The following ZNF804B variants were observed in gnomAD, a reference collection of about 807,000 sequenced individuals.
The protein encoded by ZNF804B is zinc finger 804B.
A neutral mutation model predicts 101.4 loss-of-function variants in ZNF804B; 80 were observed. That is an observed-to-expected ratio of 0.79 (90% CI 0.66 to 0.95). ZNF804B has a LOEUF of 0.95. Ranked by LOEUF, ZNF804B falls within the 40% of genes least tolerant of loss-of-function variation. ZNF804B has a pLI of 0.00. For missense variants in ZNF804B, 1,673 were observed against 1,561.9 expected (o/e 1.07, Z -1.20); for synonymous variants, 622 against 558.8 (o/e 1.11, Z -1.59).
chr7:89,141,086 C>T (rs948364160), intron 1 of ZNF804B, among the ~76,000 whole-genome samples: 1 of 151,992 alleles, frequency 6.6e-6, no homozygotes, highest in African/African-American at 2.4e-5. Flanking sequence ...AGATGGGGAA[C>T]AGCCTGTCAG....
intron 1 of ZNF804B, among the ~76,000 whole-genome samples, chr7:89,170,032 TC>T (rs548892870): frequency 1.2e-3 from 177 of 152,336 alleles, no homozygotes; most frequent in Non-Finnish European, 2.0e-3. Flanking sequence ...TTAATACACT[TC>T]AAATATACTT....
rs542433285 is a variant in ZNF804B, at chr7:89,085,922, C to T, written c.109-132233C>T. Among the ~76,000 whole-genome samples, 7 of 151,990 alleles carry T rather than the reference C, an allele frequency of 4.6e-5. 1 individual carries two copies. The East Asian group carries it at 9.7e-4, about 21-fold the overall frequency. On this transcript the variant is annotated intron_variant, in intron 1 of 3. Transcript: ENST00000333190. Reference sequence around the variant, plus strand: ...TAATAGAGTGATATTTAGATTCTTCCGGGATTTTTAAAACACGATTGCTTT... The same window carrying T: ...TAATAGAGTGATATTTAGATTCTTCTGGGATTTTTAAAACACGATTGCTTT...
At chr7:88,856,415 G>A (rs1414884667) in intron 1 of ZNF804B, among the ~76,000 whole-genome samples, 3 of 152,024 alleles carry the variant, frequency 2.0e-5, no homozygotes, top group African/African-American at 2.4e-5. Context: ...TTTGTCTGTT[G>A]TTGGTGTATA....
intron 1 of ZNF804B, among the ~76,000 whole-genome samples, chr7:88,899,835 A>G (rs1268453714): frequency 6.6e-6 from 1 of 152,184 alleles, no homozygotes; most frequent in South Asian, 2.1e-4. Context: ...AGTAATAAAA[A>G]TCTACTTTTA....
intron 1 of ZNF804B, among the ~76,000 whole-genome samples, chr7:88,806,902 T>C (rs935382572): frequency 1.3e-5 from 2 of 152,062 alleles, no homozygotes; most frequent in Non-Finnish European, 2.9e-5. Flanking sequence ...AGGCTAGTTT[T>C]ACATTTTTTA....
intron 1 of ZNF804B, among the ~76,000 whole-genome samples, chr7:88,862,817 C>T (rs1158981068): frequency 6.6e-6 from 1 of 152,102 alleles, no homozygotes; most frequent in African/African-American, 2.4e-5. Flanking sequence ...TCCTGCTTCA[C>T]ACTAATTATA....
At chr7:89,107,132 A>G (rs1254115085) in intron 1 of ZNF804B, among the ~76,000 whole-genome samples, 1 of 152,162 alleles carries the variant, frequency 6.6e-6, no homozygotes, top group Admixed American at 6.6e-5. Context: ...GTAGTTTTAC[A>G]TATTAGTTAA....
chr7:89,137,082 G>A (rs1267418656), intron 1 of ZNF804B, among the ~76,000 whole-genome samples: 1 of 151,854 alleles, frequency 6.6e-6, no homozygotes, highest in African/African-American at 2.4e-5. Context: ...TCTTTCTCAG[G>A]TATGTCTTTA....
Position 89,334,280 on chromosome 7 carries a change from C to T in ZNF804B, c.1298C>T (p.Thr433Ile), listed in dbSNP as rs202091392. ...CAAAGACTTGTAAAAGAAGCATGTA[C>T]CCATAATGTGGCATCTAAACCACTA... is the stretch of plus-strand genomic sequence containing the variant. ...NVQRLVKEACTHNVASKPLPF... is the reference protein window; with the variant it reads ...NVQRLVKEACIHNVASKPLPF... Residue 433 changes from threonine (T) to isoleucine (I), a missense_variant, in exon 4 of 4, where the codon ACC (threonine) becomes ATC (isoleucine). Thr to Ile is a moderately conservative substitution (Grantham distance 89, BLOSUM62 -1). Transcript: ENST00000333190. The T allele has an allele frequency of 3.2e-5, 52 of 1,613,752 alleles. No individual in the cohort carries two copies. The highest frequency in any genetic ancestry group is 6.7e-5 in the Admixed American group (4 of 59,914).
chr7:89,043,680 G>A (rs1789054376), intron 1 of ZNF804B, among the ~76,000 whole-genome samples: 1 of 152,052 alleles, frequency 6.6e-6, no homozygotes, highest in South Asian at 2.1e-4. Flanking sequence ...AATGTACTGT[G>A]GTTTATATTT....
intron 1 of ZNF804B, among the ~76,000 whole-genome samples, chr7:89,063,013 T>G (rs1789401825): frequency 6.6e-6 from 1 of 152,098 alleles, no homozygotes; most frequent in Admixed American, 6.6e-5. Flanking sequence ...ATCTGAAAAT[T>G]TGACATAATA....
At chr7:89,202,268 C>T (rs540626226) in intron 1 of ZNF804B, among the ~76,000 whole-genome samples, 2 of 152,128 alleles carry the variant, frequency 1.3e-5, no homozygotes, top group Admixed American at 6.6e-5. Context: ...GACATCCCTC[C>T]TATATCAGAG....
chr7:88,905,180 G>A (rs1792449678), intron 1 of ZNF804B, among the ~76,000 whole-genome samples: 2 of 152,180 alleles, frequency 1.3e-5, no homozygotes, highest in Middle Eastern at 3.4e-3. Context: ...TTTATCAAAT[G>A]CTTTTCCTGT....
intron 2 of ZNF804B, among the ~76,000 whole-genome samples, chr7:89,321,552 G>A (rs1404113324): frequency 1.3e-5 from 2 of 151,994 alleles, no homozygotes; most frequent in Non-Finnish European, 2.9e-5. Context: ...GACATAGGTA[G>A]ACGTAACTAA....
chr7:88,948,211 G>A (rs184181549), intron 1 of ZNF804B, among the ~76,000 whole-genome samples: 80 of 151,604 alleles, frequency 5.3e-4, no homozygotes, highest in South Asian at 4.2e-4. Flanking sequence ...GGTATTACTG[G>A]GTCTCTATGA....
chr7:89,082,726 A>G (rs1201001872), intron 1 of ZNF804B, among the ~76,000 whole-genome samples: 2 of 151,800 alleles, frequency 1.3e-5, no homozygotes, highest in Non-Finnish European at 3.0e-5. Context: ...TAAACACAAA[A>G]TAAATCACCA....
intron 1 of ZNF804B, among the ~76,000 whole-genome samples, chr7:89,183,375 TTAAAC>T (rs1788327973): frequency 1.3e-5 from 2 of 151,948 alleles, no homozygotes; most frequent in Admixed American, 6.6e-5. Context: ...TATATTTAAA[TTAAAC>T]TAGAGAGTAA....
At chr7:89,158,847 C>A (rs34344611) in intron 1 of ZNF804B, among the ~76,000 whole-genome samples, 1 of 151,934 alleles carries the variant, frequency 6.6e-6, no homozygotes, top group African/African-American at 2.4e-5. Context: ...CATTTTAAGA[C>A]AGTTAAAATG....
intron 1 of ZNF804B, among the ~76,000 whole-genome samples, chr7:89,036,518 G>A (rs918147824): frequency 2.0e-5 from 3 of 152,094 alleles, no homozygotes; most frequent in African/African-American, 7.2e-5. Flanking sequence ...GGGTAAAACG[G>A]AAATTAGTTA....
Sources: gnomAD v4.1 joint callset for allele counts (sites outside exome capture counted in the v4.1 genomes callset) on GRCh38, gnomAD v4.1.1 for gene constraint, MANE v1.5 for transcripts, NCBI Gene and HGNC (gene_info 2026-07-23, HGNC 2026-07-21) for gene names.